DGLUCY: variants seen among roughly 807,000 people sequenced by gnomAD.
DGLUCY encodes the protein D-glutamate cyclase.
Under a neutral mutation model 58.5 loss-of-function variants are expected in DGLUCY, and 58 were observed. The observed-to-expected ratio is 0.99, with a 90% CI of 0.80 to 1.23. DGLUCY has a LOEUF of 1.23. Ranked by LOEUF, DGLUCY falls within the 50% of genes most tolerant of loss-of-function variation. The probability of loss-of-function intolerance (pLI) is 0.00; values close to 1 mark genes in which losing one functional copy is unlikely to be tolerated. For missense variants in DGLUCY, 779 were observed against 784.7 expected, an observed-to-expected ratio of 0.99 and a Z score of 0.09; for synonymous variants, 325 against 314.1, an observed-to-expected ratio of 1.03 and a Z score of -0.37.
intron 1 of DGLUCY, among the ~76,000 whole-genome samples, chr14:91,141,850 CTT>C (rs1338493011): frequency 7.8e-6 from 1 of 128,472 alleles, no homozygotes; most frequent in Non-Finnish European, 1.7e-5. Flanking sequence ...TGCGCCCGGC[CTT>C]TTTTTTTTTT....
intron 1 of DGLUCY, among the ~76,000 whole-genome samples, chr14:91,118,099 T>C (rs1356276809): frequency 3.7e-5 from 4 of 109,408 alleles, no homozygotes; most frequent in Non-Finnish European, 6.8e-5. Context: ...TTTTTTTTTT[T>C]AGACGGAGTC....
intron 1 of DGLUCY, among the ~76,000 whole-genome samples, chr14:91,076,978 C>G (rs968201063): frequency 1.3e-5 from 2 of 152,150 alleles, no homozygotes; most frequent in African/African-American, 4.8e-5. Context: ...GGCACAGTTG[C>G]TCATGCTTGT....
rs189803149 is a variant in DGLUCY at position 91,082,277 on chromosome 14, C to A, written c.-82+21573C>A. On this transcript the variant is annotated intron_variant, in intron 1 of 4. Coordinates refer to the DGLUCY transcript ENST00000521334. Reference sequence around the variant, plus strand: ...AGATAAAAAGTGAGCCACACTCCCCCCTTCCCATGAAAGAGGTACCTGACC... The same window carrying A: ...AGATAAAAAGTGAGCCACACTCCCCACTTCCCATGAAAGAGGTACCTGACC... Among the ~76,000 whole-genome samples the A allele has an allele frequency of 4.3e-4, 66 of 152,312 alleles. No individual in the cohort carries two copies. In the South Asian group the frequency reaches 9.1e-3, roughly 21 times the overall value.
intron 12 of DGLUCY, among the ~76,000 whole-genome samples, chr14:91,208,476 C>T (rs1217034459): frequency 2.0e-5 from 3 of 152,120 alleles, no homozygotes; most frequent in East Asian, 1.9e-4. Flanking sequence ...AGGCCAGGCA[C>T]GGTGGCTCAC....
intron 11 of DGLUCY, among the ~76,000 whole-genome samples, chr14:91,203,453 C>T (rs1429927281): frequency 2.0e-5 from 3 of 152,226 alleles, no homozygotes; most frequent in Non-Finnish European, 4.4e-5. Context: ...TGTACCTGTT[C>T]CATAGGCTTG....
chr14:91,213,040 G>A (rs575701195), intron 12 of DGLUCY, among the ~76,000 whole-genome samples: 45 of 150,778 alleles, frequency 3.0e-4, no homozygotes, highest in African/African-American at 9.5e-4. Context: ...GGAAGCCAAG[G>A]CAGGAGGATC....
chr14:91,101,101 A>C (rs2044479078), intron 1 of DGLUCY, among the ~76,000 whole-genome samples: 1 of 152,172 alleles, frequency 6.6e-6, no homozygotes. Context: ...TATTGTGGTA[A>C]GAACATTTAA....
chr14:91,144,244 AACATT>A (rs894085175), intron 1 of DGLUCY, among the ~76,000 whole-genome samples: 2 of 152,176 alleles, frequency 1.3e-5, no homozygotes, highest in African/African-American at 4.8e-5. Context: ...TTTGGTAACA[AACATT>A]TATCAGGTAA....
upstream of DGLUCY, among the ~76,000 whole-genome samples, chr14:91,104,223 C>T (rs190557865): frequency 7.3e-5 from 11 of 151,486 alleles, no homozygotes; most frequent in African/African-American, 2.7e-4. Context: ...CCACCACGCC[C>T]GGCTAATTTT....
At chr14:91,069,357 C>T (rs1384396461) in intron 1 of DGLUCY, among the ~76,000 whole-genome samples, 1 of 152,124 alleles carries the variant, frequency 6.6e-6, no homozygotes, top group African/African-American at 2.4e-5. Flanking sequence ...CTCACTGCAA[C>T]CTCCACCTTC....
chr14:91,121,166 A>C (rs934656412), intron 1 of DGLUCY, among the ~76,000 whole-genome samples: 1 of 152,142 alleles, frequency 6.6e-6, no homozygotes, highest in Non-Finnish European at 1.5e-5. Flanking sequence ...CCCAGGCCAT[A>C]CCTGCCTGAC....
rs749579610 is a variant in DGLUCY at position 91,170,118 on chromosome 14, A to C, written c.373A>C (p.Ser125Arg). ...KDMVAFFLGC[S>R]FSLEEALEKA... ...CATGGTGGCCTTCTTCCTGGGCTGC[A>C]GCTTCTCCCTGGAGGAGGCCTTGGA... Residue 125 changes from serine to arginine, a missense_variant, in exon 5 of 14, where the codon AGC (serine) becomes CGC (arginine). Ser to Arg is a moderately radical substitution (Grantham distance 110). Transcript: ENST00000256324. The C allele has an allele frequency of 4.5e-5, 73 of 1,613,296 alleles. No homozygotes were observed. In the South Asian group the frequency reaches 7.6e-4, roughly 17 times the overall value.
chr14:91,099,521 C>T (rs1051334586), intron 1 of DGLUCY, among the ~76,000 whole-genome samples: 1 of 103,044 alleles, frequency 9.7e-6, no homozygotes, highest in Non-Finnish European at 2.1e-5. Context: ...CGACAGAGAC[C>T]CAATCTCAAA....
intron 1 of DGLUCY, among the ~76,000 whole-genome samples, chr14:91,065,887 A>G (rs1035815276): frequency 1.3e-5 from 2 of 152,134 alleles, no homozygotes; most frequent in African/African-American, 4.8e-5. Context: ...ATAATGGACT[A>G]TGGCCTGGAG....
intron 8 of DGLUCY, 44 bp downstream of exon 8, chr14:91,181,433 C>G: frequency 6.4e-7 from 1 of 1,571,648 alleles, no homozygotes; most frequent in South Asian, 1.1e-5. Context: ...AGGTAAGAAA[C>G]AACACATTTG....
intron 3 of DGLUCY, 129 bp downstream of exon 3, chr14:91,160,526 C>A: frequency 1.5e-6 from 1 of 674,556 alleles, no homozygotes; most frequent in Non-Finnish European, 2.5e-6. Flanking sequence ...AAAGTAAGAG[C>A]AGAATGATAT....
At chr14:91,174,920 C>T (rs969243358) in intron 6 of DGLUCY, among the ~76,000 whole-genome samples, 1 of 152,134 alleles carries the variant, frequency 6.6e-6, no homozygotes, top group Non-Finnish European at 1.5e-5. Flanking sequence ...AATTTGGTCA[C>T]AGGAGTCTTC....
chr14:91,183,594 C>T (rs934425251), intron 8 of DGLUCY, among the ~76,000 whole-genome samples: 1 of 152,154 alleles, frequency 6.6e-6, no homozygotes, highest in Non-Finnish European at 1.5e-5. Context: ...TATACTGTGC[C>T]AGGCAACAGG....
At chr14:91,161,457 G>A (rs999357886) in intron 3 of DGLUCY, among the ~76,000 whole-genome samples, 26 of 152,216 alleles carry the variant, frequency 1.7e-4, no homozygotes, top group African/African-American at 6.3e-4. Context: ...CGCTTCTTCT[G>A]TTCCATGTGG....
Sources: allele counts gnomAD v4.1 joint callset (sites outside exome capture counted in the v4.1 genomes callset), GRCh38; gene constraint gnomAD v4.1.1; transcripts MANE v1.5; gene names NCBI Gene and HGNC (gene_info 2026-07-23, HGNC 2026-07-21).